PTPRD: variants seen among roughly 807,000 people sequenced by gnomAD.
PTPRD encodes receptor-type tyrosine-protein phosphatase delta.
A neutral mutation model predicts 214.5 loss-of-function variants in PTPRD; 34 were observed. The ratio of observed to expected loss-of-function variants is 0.16; its 90% confidence interval spans 0.12 to 0.21. PTPRD has a LOEUF of 0.21. Among genes scored for constraint, PTPRD ranks in the 10% least tolerant of loss-of-function variants. The pLI, the probability that PTPRD is intolerant of heterozygous loss-of-function variation, is 1.00. For missense variants in PTPRD, 2,545 were observed against 2,398.7 expected, an observed-to-expected ratio of 1.06 and a Z score of -1.27; for synonymous variants, 1,128 against 845.7, an observed-to-expected ratio of 1.33 and a Z score of -5.79.
intron 3 of PTPRD, among the ~76,000 whole-genome samples, chr9:10,252,233 T>C (rs1357193060): frequency 6.6e-6 from 1 of 152,188 alleles, no homozygotes; most frequent in Non-Finnish European, 1.5e-5. Context: ...TACAGCACGA[T>C]GGACATGAAA....
rs77443183 is a variant in PTPRD, at chr9:9,340,255, G to A, written c.-203+57194C>T. ...CGTTTAAGACAGAAAAACAGATGTT[G>A]CATCAGAAAGTCCATGATACTATGT... On this transcript the variant is annotated intron_variant, in intron 9 of 45. Coordinates refer to ENST00000381196, the MANE Select transcript of PTPRD (RefSeq NM_002839.4). 2.0e-4 allele frequency among the ~76,000 whole-genome samples: 31 copies of A among 152,198 alleles called. 1 individual carries two copies. In the East Asian group the frequency reaches 5.6e-3, roughly 27 times the overall value.
intron 3 of PTPRD, among the ~76,000 whole-genome samples, chr9:10,111,182 T>C (rs936627658): frequency 1.3e-5 from 2 of 151,508 alleles, no homozygotes; most frequent in African/African-American, 4.9e-5. Context: ...AATAATTCTA[T>C]GCAAATGAAA....
intron 11 of PTPRD, among the ~76,000 whole-genome samples, chr9:8,738,499 A>T (rs978064865): frequency 6.6e-6 from 1 of 152,138 alleles, no homozygotes; most frequent in East Asian, 1.9e-4. Context: ...GTAGAAAATT[A>T]GTCAACATCT....
intron 2 of PTPRD, among the ~76,000 whole-genome samples, chr9:10,549,719 T>C (rs2060903098): frequency 6.6e-6 from 1 of 152,222 alleles, no homozygotes; most frequent in South Asian, 2.1e-4. Context: ...AAAAGCCATG[T>C]GTACTTCTAT....
intron 3 of PTPRD, among the ~76,000 whole-genome samples, chr9:10,167,296 G>C (rs1273058153): frequency 1.3e-5 from 2 of 151,936 alleles, no homozygotes; most frequent in Middle Eastern, 3.2e-3. Flanking sequence ...ATTAAAGCTG[G>C]TGCTGGAGAT....
intron 5 of PTPRD, among the ~76,000 whole-genome samples, chr9:9,816,302 A>G (rs1005612138): frequency 2.0e-5 from 3 of 152,116 alleles, no homozygotes; most frequent in African/African-American, 7.2e-5. Flanking sequence ...AAAACTACTT[A>G]TAATAAAGAC....
At chr9:10,005,100 A>AT (rs917147604) in intron 4 of PTPRD, among the ~76,000 whole-genome samples, 7 of 151,458 alleles carry the variant, frequency 4.6e-5, no homozygotes, top group South Asian at 2.1e-4. Flanking sequence ...TTCCTATAAG[A>AT]TTTTTTTTTG....
intron 11 of PTPRD, among the ~76,000 whole-genome samples, chr9:8,923,256 G>A (rs2098840579): frequency 6.6e-6 from 1 of 151,668 alleles, no homozygotes; most frequent in Admixed American, 6.6e-5. Context: ...TGGCCAGGCT[G>A]GTCTCGAACT....
rs979557479 is a variant in PTPRD, at chr9:9,071,344, T to A, written c.-142-52609A>T. Among the ~76,000 whole-genome samples the A allele has an allele frequency of 2.6e-5, 4 of 152,136 alleles. No individual in the cohort carries two copies. In the East Asian group the frequency reaches 7.7e-4, roughly 29 times the overall value. On this transcript the variant is annotated intron_variant, in intron 10 of 45. Transcript: ENST00000381196. ...GCAGATATGCAATTTAGATGCCAAA[T>A]AGGTTGATTTTGAGTTAGTCAAGAG...
intron 9 of PTPRD, among the ~76,000 whole-genome samples, chr9:9,278,504 T>G (rs1440708726): frequency 6.6e-6 from 1 of 151,316 alleles, no homozygotes; most frequent in African/African-American, 2.4e-5. Context: ...AATAGGATAC[T>G]GTACTAAATT....
At chr9:9,099,584 T>C (rs1402731312) in intron 10 of PTPRD, among the ~76,000 whole-genome samples, 1 of 152,156 alleles carries the variant, frequency 6.6e-6, no homozygotes, top group East Asian at 1.9e-4. Flanking sequence ...AATATCTACT[T>C]GAGTTACTAC....
At chr9:8,903,286 G>C (rs781320485) in intron 11 of PTPRD, among the ~76,000 whole-genome samples, 7 of 152,042 alleles carry the variant, frequency 4.6e-5, no homozygotes, top group Non-Finnish European at 7.4e-5. Flanking sequence ...TCGACTATTA[G>C]TTTTTCAGCC....
At chr9:9,639,737 T>C (rs965425873) in intron 7 of PTPRD, among the ~76,000 whole-genome samples, 2 of 152,210 alleles carry the variant, frequency 1.3e-5, no homozygotes, top group Non-Finnish European at 2.9e-5. Context: ...TACATTTTGG[T>C]GCCCTATCAG....
intron 11 of PTPRD, among the ~76,000 whole-genome samples, chr9:8,926,930 A>G (rs925655881): frequency 1.3e-5 from 2 of 152,168 alleles, no homozygotes; most frequent in African/African-American, 4.8e-5. Flanking sequence ...CCAGGGAATA[A>G]TGATGAGTCA....
At chr9:9,195,107 T>TATATATATATATATATATATATATAC (rs58832794) in intron 9 of PTPRD, among the ~76,000 whole-genome samples, 12 of 141,160 alleles carry the variant, frequency 8.5e-5, no homozygotes, top group South Asian at 2.4e-4. Flanking sequence ...TATATATATA[T>TATATATATATATATATATATATATAC]ACACACACAC....
At chr9:8,832,921 G>A (rs2097328651) in intron 11 of PTPRD, among the ~76,000 whole-genome samples, 1 of 151,900 alleles carries the variant, frequency 6.6e-6, no homozygotes, top group South Asian at 2.1e-4. Flanking sequence ...TTCACTTCAT[G>A]TTAGTTGTCT....
chr9:10,153,509 T>TTA (rs200275892), intron 3 of PTPRD, among the ~76,000 whole-genome samples: 47 of 149,902 alleles, frequency 3.1e-4, no homozygotes, highest in Middle Eastern at 3.6e-3. Context: ...TTTTTATATA[T>TTA]TATATATATA....
rs1011725259 is a variant in PTPRD at position 8,856,231 on chromosome 9, C to T, written c.-103-122285G>A. 2.6e-5 allele frequency among the ~76,000 whole-genome samples: 4 copies of T among 152,050 alleles called. 1 individual carries two copies. In the East Asian group the frequency reaches 7.7e-4, roughly 29 times the overall value. On this transcript the variant is annotated intron_variant, in intron 11 of 45. Transcript: ENST00000381196. ...GTTATTATCTCTACAGATCCCTTTA[C>T]ATCAGAATGTTTCAAGTTTTGGTAT...
At chr9:9,211,251 C>G (rs1411327133) in intron 9 of PTPRD, among the ~76,000 whole-genome samples, 1 of 152,104 alleles carries the variant, frequency 6.6e-6, no homozygotes, top group Non-Finnish European at 1.5e-5. Context: ...TGTGTTAACT[C>G]AAACATAGCC....
Sources: gnomAD v4.1 joint callset for allele counts (sites outside exome capture counted in the v4.1 genomes callset) on GRCh38, gnomAD v4.1.1 for gene constraint, MANE v1.5 for transcripts, NCBI Gene and HGNC (gene_info 2026-07-23, HGNC 2026-07-21) for gene names.